MAP2: variants seen among roughly 807,000 people sequenced by gnomAD.
The protein encoded by MAP2 is microtubule-associated protein 2.
MAP2 carries 14 observed loss-of-function variants against 137.6 expected under a neutral mutation model. The observed-to-expected ratio is 0.10, with a 90% confidence interval of 0.07 to 0.16. The LOEUF (loss-of-function observed/expected upper bound fraction) is 0.16, where lower values mean the gene tolerates loss of function less well. MAP2 is among the 10% of genes least tolerant of loss of function. The pLI, the probability that MAP2 is intolerant of heterozygous loss-of-function variation, is 1.00. For missense variants in MAP2, 2,088 were observed against 2,191.5 expected (o/e 0.95, Z 0.94); for synonymous variants, 786 against 782.3 (o/e 1.00, Z -0.08).
chr2:209,705,540 G>A, intron 11 of MAP2, 40 bp from the exon 12 acceptor site: 3 of 1,528,980 alleles, frequency 2.0e-6, no homozygotes, highest in South Asian at 1.3e-5. Context: ...AAATTAAAGA[G>A]TTACAAGAAC....
chr2:209,502,906 G>C (rs969544516), intron 1 of MAP2, among the ~76,000 whole-genome samples: 6 of 151,744 alleles, frequency 4.0e-5, no homozygotes, highest in African/African-American at 7.3e-5. Context: ...GTCTATTCAG[G>C]GTCCTTTGCT....
chr2:209,566,686 C>T (rs1397986257), intron 2 of MAP2, among the ~76,000 whole-genome samples: 2 of 152,162 alleles, frequency 1.3e-5, no homozygotes, highest in Non-Finnish European at 2.9e-5. Context: ...ATTTTATCAT[C>T]TTCACAACCC....
chr2:209,694,007 C>G lies in MAP2; in HGVS notation c.1837C>G (p.His613Asp), dbSNP rs770884547. ...GTCTATTGATACCATGTCTCCCATG[C>G]ATAAAAATGGTGACAAGGAGTTTCA... Reference protein sequence around the residue: ...HESIDTMSPMHKNGDKEFQTG... With the variant: ...HESIDTMSPMDKNGDKEFQTG... The change falls in exon 8 of 16, where the codon CAT (histidine) becomes GAT (aspartate). Residue 613 changes from histidine to aspartate, a missense_variant. Around this residue, in one of 6 missense-constraint regions of MAP2, gnomAD observed 859 missense variants for 794.5 expected, o/e 1.08. Coordinates refer to ENST00000682079, the MANE Select transcript of MAP2 (RefSeq NM_001375505.1). 1 of 1,613,822 alleles carries G rather than the reference C, an allele frequency of 6.2e-7. No individual in the cohort carries two copies. The highest frequency in any genetic ancestry group is 8.5e-7 in the Non-Finnish European group (1 of 1,179,954).
chr2:209,512,556 T>TAC (rs150144839), intron 2 of MAP2, among the ~76,000 whole-genome samples: 12,110 of 144,536 alleles, frequency 0.084, 494 homozygotes, highest in South Asian at 0.14. Context: ...CCAGAAGTTA[T>TAC]ACACACACAC....
At chr2:209,448,289 T>C (rs540757959) in intron 1 of MAP2, among the ~76,000 whole-genome samples, 2 of 152,260 alleles carry the variant, frequency 1.3e-5, no homozygotes, top group South Asian at 4.1e-4. Context: ...GTAGCTGTTA[T>C]AACCATGAAA....
intron 14 of MAP2, 143 bp from the exon 15 acceptor site, chr2:209,729,707 G>A: frequency 1.7e-6 from 1 of 603,104 alleles, no homozygotes; most frequent in South Asian, 2.0e-5. Context: ...AATTCTAAAA[G>A]ACTCTTTTTA....
At chr2:209,676,159 T>C (rs565518300) in intron 5 of MAP2, among the ~76,000 whole-genome samples, 4 of 151,836 alleles carry the variant, frequency 2.6e-5, no homozygotes, top group South Asian at 2.1e-4. Context: ...CAATGATAGA[T>C]TGGATAAAGA....
At chr2:209,614,685 T>C (rs1441589996) in intron 3 of MAP2, among the ~76,000 whole-genome samples, 1 of 152,174 alleles carries the variant, frequency 6.6e-6, no homozygotes, top group Non-Finnish European at 1.5e-5. Context: ...ATCGCTTTAG[T>C]AATAAAATGT....
intron 2 of MAP2, among the ~76,000 whole-genome samples, chr2:209,540,629 TCAAAAAAAAAAA>T (rs1559296715): frequency 6.3e-4 from 2 of 3,200 alleles, no homozygotes; most frequent in Admixed American, 3.8e-3. Flanking sequence ...AGACTCCGTC[TCAAAAAAAAAAA>T]AAAAAAAAAA....
intron 3 of MAP2, among the ~76,000 whole-genome samples, chr2:209,589,270 CATTGTT>C (rs773149537): frequency 3.1e-4 from 47 of 152,258 alleles, no homozygotes; most frequent in Non-Finnish European, 5.4e-4. Context: ...GAAAGGCAGA[CATTGTT>C]ATTATATTTG....
At chr2:209,507,384 T>A (rs1295240234) in intron 1 of MAP2, among the ~76,000 whole-genome samples, 1 of 152,160 alleles carries the variant, frequency 6.6e-6, no homozygotes, top group African/African-American at 2.4e-5. Context: ...TAATATATAT[T>A]TTTTTCAATA....
intron 1 of MAP2, among the ~76,000 whole-genome samples, chr2:209,453,790 A>G (rs942658885): frequency 2.6e-5 from 4 of 152,152 alleles, no homozygotes; most frequent in Admixed American, 6.5e-5. Context: ...ATGAGTCACT[A>G]TCTTAATGTG....
intron 1 of MAP2, among the ~76,000 whole-genome samples, chr2:209,441,358 A>G (rs34636750): frequency 0.031 from 4,750 of 151,668 alleles, 94 homozygotes; most frequent in South Asian, 0.067. Flanking sequence ...GTATGGATAA[A>G]ACATTACTCA....
chr2:209,528,443 C>T (rs1342958626), intron 2 of MAP2, among the ~76,000 whole-genome samples: 1 of 152,102 alleles, frequency 6.6e-6, no homozygotes, highest in African/African-American at 2.4e-5. Context: ...ACTAAATCTG[C>T]TTTAATTTAT....
At chr2:209,473,250 G>A (rs1422664696) in intron 1 of MAP2, among the ~76,000 whole-genome samples, 1 of 152,080 alleles carries the variant, frequency 6.6e-6, no homozygotes, top group African/African-American at 2.4e-5. Context: ...GTTATTGGTG[G>A]CAAATAATTA....
intron 3 of MAP2, among the ~76,000 whole-genome samples, chr2:209,586,606 G>T (rs1349282432): frequency 6.6e-6 from 1 of 152,138 alleles, no homozygotes; most frequent in Non-Finnish European, 1.5e-5. Context: ...GCTGTTCAGA[G>T]AATGAATTAT....
intron 2 of MAP2, among the ~76,000 whole-genome samples, chr2:209,508,225 T>C (rs975546475): frequency 6.6e-6 from 1 of 151,722 alleles, no homozygotes; most frequent in African/African-American, 2.4e-5. Flanking sequence ...CTCACAGCAA[T>C]AAACTTGGGA....
chr2:209,680,886 C>T (rs2153689090), intron 7 of MAP2, 59 bp downstream of exon 7: 1 of 1,417,318 alleles, frequency 7.1e-7, no homozygotes. Context: ...CAATAAACTT[C>T]AATCAATAAG....
chr2:209,502,842 T>C (rs570794154), intron 1 of MAP2, among the ~76,000 whole-genome samples: 1 of 152,172 alleles, frequency 6.6e-6, no homozygotes, highest in Non-Finnish European at 1.5e-5. Flanking sequence ...ATTTCTGATA[T>C]TAAACACCTT....
Sources: allele counts gnomAD v4.1 joint callset (sites outside exome capture counted in the v4.1 genomes callset), GRCh38; gene constraint gnomAD v4.1.1; regional missense constraint gnomAD v4.1.1; transcripts MANE v1.5; gene names NCBI Gene and HGNC (gene_info 2026-07-23, HGNC 2026-07-21).